ROCK2: variants seen among roughly 807,000 people sequenced by gnomAD.
ROCK2 encodes the protein rho-associated protein kinase 2.
A neutral mutation model predicts 195.1 loss-of-function variants in ROCK2; 61 were observed. The ratio of observed to expected loss-of-function variants is 0.31; its 90% CI spans 0.25 to 0.39. ROCK2 has a LOEUF of 0.39. Among genes scored for constraint, ROCK2 ranks in the 10% least tolerant of loss-of-function variants. ROCK2 has a pLI of 1.00. For missense variants in ROCK2, 1,109 were observed against 1,637.4 expected (o/e 0.68, Z 5.57); for synonymous variants, 504 against 545.5 (o/e 0.92, Z 1.06).
At chr2:11,305,572 A>T (rs1056497631) in intron 1 of ROCK2, among the ~76,000 whole-genome samples, 1 of 152,106 alleles carries the variant, frequency 6.6e-6, no homozygotes, top group African/African-American at 2.4e-5. Flanking sequence ...TAGCACTCAG[A>T]TCTTGGTTTT....
chr2:11,256,300 T>C (rs1256532178), intron 3 of ROCK2, among the ~76,000 whole-genome samples: 1 of 151,258 alleles, frequency 6.6e-6, no homozygotes, highest in Non-Finnish European at 1.5e-5. Context: ...CCCCTTGTTG[T>C]TCTCCTGATA....
Position 11,225,863 on chromosome 2 carries a change from A to G in ROCK2, c.868+1391T>C, listed in dbSNP as rs939946758. On this transcript the variant is annotated intron_variant, in intron 6 of 32. Transcript: ENST00000315872. ...TGAAAGGCCCAAAATAAAGTAGGTC[A>G]TACTATGACATGAAACAAAGCATAA... is the stretch of plus-strand genomic sequence containing the variant. 3.0e-4 allele frequency among the ~76,000 whole-genome samples: 46 copies of G among 152,228 alleles called. 1 individual carries two copies. Among genetic ancestry groups the G allele is most frequent in the Non-Finnish European group, 4.4e-5 (3 of 68,036 alleles).
chr2:11,295,316 A>G (rs1667477113), intron 1 of ROCK2, among the ~76,000 whole-genome samples: 1 of 152,160 alleles, frequency 6.6e-6, no homozygotes, highest in African/African-American at 2.4e-5. Flanking sequence ...ACTACTGGCC[A>G]GATAAAATTA....
intron 32 of ROCK2, among the ~76,000 whole-genome samples, chr2:11,185,420 C>T (rs988048541): frequency 1.3e-5 from 2 of 152,112 alleles, no homozygotes; most frequent in Non-Finnish European, 2.9e-5. Flanking sequence ...ATATTGCTAT[C>T]ATCTTTGTTT....
At chr2:11,288,138 G>T (rs1309765457) in intron 1 of ROCK2, among the ~76,000 whole-genome samples, 3 of 152,080 alleles carry the variant, frequency 2.0e-5, no homozygotes, top group African/African-American at 4.8e-5. Context: ...ATTAAGAAGA[G>T]AAAATCCAAA....
intron 5 of ROCK2, among the ~76,000 whole-genome samples, chr2:11,230,571 A>C (rs1411030916): frequency 6.6e-6 from 1 of 152,182 alleles, no homozygotes; most frequent in Non-Finnish European, 1.5e-5. Flanking sequence ...AAGAAATTTC[A>C]TGTGACAAGC....
chr2:11,294,892 A>T (rs1667464283), intron 1 of ROCK2, among the ~76,000 whole-genome samples: 1 of 152,026 alleles, frequency 6.6e-6, no homozygotes, highest in Non-Finnish European at 1.5e-5. Context: ...ACCTCAAGTG[A>T]TTCTTGTGTC....
At chr2:11,188,840 G>T (rs911922963) in intron 32 of ROCK2, among the ~76,000 whole-genome samples, 2 of 151,492 alleles carry the variant, frequency 1.3e-5, no homozygotes, top group Non-Finnish European at 2.9e-5. Flanking sequence ...TAGCCAGGAT[G>T]GTCTCGATCT....
chr2:11,213,879 G>C (rs1237899020), intron 17 of ROCK2, among the ~76,000 whole-genome samples: 2 of 152,088 alleles, frequency 1.3e-5, no homozygotes, highest in African/African-American at 4.8e-5. Flanking sequence ...TCAAGGCAAG[G>C]ACTGCATCCT....
At position 11,337,105 on chromosome 2, in the gene ROCK2, T is replaced by C. The variant is rs1668953051; in HGVS notation, c.141+6891A>G. Among the ~76,000 whole-genome samples, 3 of 151,508 alleles carry C rather than the reference T, an allele frequency of 2.0e-5. No homozygotes were observed. The South Asian group carries it at 6.3e-4, about 32-fold the overall frequency. On this transcript the variant is annotated intron_variant, in intron 1 of 32. Transcript: ENST00000315872. ...TATAAAAATACAATAATTAGCCGGG[T>C]GTGGTGGTGCATGCCTGTAATCCTA...
rs35144359 is a variant in ROCK2, at chr2:11,285,261, T to TAAAAAA, written c.324+1272_324+1277dup. On this transcript the variant is annotated intron_variant, in intron 3 of 32. Coordinates refer to ENST00000315872, the MANE Select transcript of ROCK2 (RefSeq NM_004850.5). ...TGGGCAACAAGAGTGAAACTCTGTC[T>TAAAAAA]AAAAAAAAAAAAAAAAAAAAATGTT... Among the ~76,000 whole-genome samples, 3 of 117,246 alleles carry TAAAAAA rather than the reference T, an allele frequency of 2.6e-5. No individual in the cohort carries two copies. The East Asian group carries it at 7.6e-4, about 30-fold the overall frequency. 76.9% of individuals were successfully genotyped at this position (117,246 alleles called of 152,430 possible).
intron 1 of ROCK2, among the ~76,000 whole-genome samples, chr2:11,309,832 T>G (rs1667977424): frequency 6.6e-6 from 1 of 152,000 alleles, no homozygotes; most frequent in Non-Finnish European, 1.5e-5. Flanking sequence ...ATACAAAAAT[T>G]AGCCGGGCAT....
At chr2:11,331,922 TCAA>T (rs1039228237) in intron 1 of ROCK2, among the ~76,000 whole-genome samples, 12 of 151,906 alleles carry the variant, frequency 7.9e-5, no homozygotes, top group South Asian at 4.2e-4. Context: ...TGAGACTGTC[TCAA>T]CAACAACAAC....
chr2:11,308,584 T>G, intron 1 of ROCK2: 1 of 1,495,912 alleles, frequency 6.7e-7, no homozygotes, highest in East Asian at 2.3e-5. Flanking sequence ...TCAATCCCTA[T>G]ATTACAGTTA....
chr2:11,292,395 T>C (rs1347489179), intron 1 of ROCK2, among the ~76,000 whole-genome samples: 1 of 152,220 alleles, frequency 6.6e-6, no homozygotes. Context: ...ACTATTGTCA[T>C]ACCTACATTA....
chr2:11,254,756 A>AAAAAG (rs1273592273), intron 3 of ROCK2, among the ~76,000 whole-genome samples: 2 of 144,376 alleles, frequency 1.4e-5, no homozygotes, highest in African/African-American at 2.7e-5. Context: ...AAAAAAAAAA[A>AAAAAG]GGTAGAGAAA....
chr2:11,201,458 A>T lies in ROCK2; in HGVS notation c.2620-45T>A. ...AGAAATGCGTATCATCATCAGAAAT[A>T]TTACTTCTACATTCAAAAGCTATTC... On this transcript the variant is annotated intron_variant, in intron 21 of 32. Coordinates refer to ENST00000315872, the MANE Select transcript of ROCK2 (RefSeq NM_004850.5). This position sits in a 1 kb window ranked among gnomAD's most constrained non-coding sequence, Gnocchi z 4.6. 2 of 1,021,212 alleles carry T rather than the reference A, an allele frequency of 2.0e-6. No homozygotes were observed. The highest frequency in any genetic ancestry group is 4.6e-4 in the Middle Eastern group (2 of 4,302). 63.3% of individuals were successfully genotyped at this position (1,021,212 alleles called of 1,614,324 possible). A position where few individuals can be genotyped will look rare whatever the true frequency, so the allele number is the denominator to read the frequency against.
chr2:11,243,213 C>T (rs1665490711), intron 4 of ROCK2, among the ~76,000 whole-genome samples: 1 of 152,168 alleles, frequency 6.6e-6, no homozygotes, highest in Non-Finnish European at 1.5e-5. Context: ...ATTACTGGGA[C>T]AACTGGTGAA....
At chr2:11,189,737 T>G (rs1663343802) in intron 32 of ROCK2, among the ~76,000 whole-genome samples, 1 of 152,042 alleles carries the variant, frequency 6.6e-6, no homozygotes, top group Admixed American at 6.6e-5. Context: ...ATCCTAGCAC[T>G]TTGGGAGGCC....
Sources: allele counts gnomAD v4.1 joint callset (sites outside exome capture counted in the v4.1 genomes callset), GRCh38; gene constraint gnomAD v4.1.1; non-coding constraint Gnocchi (gnomAD v3.1); transcripts MANE v1.5; gene names NCBI Gene and HGNC (gene_info 2026-07-23, HGNC 2026-07-21).